The following PHEX variants were observed in gnomAD, a reference collection of about 807,000 sequenced individuals.
PHEX encodes the protein phosphate regulating endopeptidase X-linked.
PHEX carries 16 observed loss-of-function variants against 68.0 expected under a neutral mutation model. The observed-to-expected ratio is 0.24, with a 90% confidence interval of 0.16 to 0.36. PHEX has a LOEUF of 0.36. PHEX is among the 10% of genes least tolerant of loss of function. PHEX has a pLI of 1.00. For synonymous variants in PHEX, 208 were observed against 205.1 expected (o/e 1.01, Z -0.12); for missense variants, 480 against 575.5 (o/e 0.83, Z 1.70).
intron 11 of PHEX, among the ~76,000 whole-genome samples, chrX:22,116,728 C>T (rs1169806120): frequency 9.0e-6 from 1 of 110,749 alleles, no homozygotes; most frequent in East Asian, 2.8e-4. Flanking sequence ...CACAACTGTC[C>T]CAGCACGTAC....
intron 15 of PHEX, among the ~76,000 whole-genome samples, chrX:22,196,848 T>C (rs1260444317): frequency 8.9e-6 from 1 of 111,939 alleles, no homozygotes; most frequent in Non-Finnish European, 1.9e-5. Context: ...TAAGCCTTTG[T>C]CCAGAGGCTG....
intron 9 of PHEX, among the ~76,000 whole-genome samples, chrX:22,100,962 A>G (rs1391960868): frequency 9.0e-6 from 1 of 111,213 alleles, no homozygotes; most frequent in Non-Finnish European, 1.9e-5. Context: ...ACTTGAGGCC[A>G]GGAGTTCAAG....
At chrX:22,035,785 G>A (rs1926977143) in intron 1 of PHEX, among the ~76,000 whole-genome samples, 1 of 110,089 alleles carries the variant, frequency 9.1e-6, no homozygotes, top group Non-Finnish European at 1.9e-5. Flanking sequence ...CTATTTACAT[G>A]TATTTTTTAA....
At chrX:22,223,585 A>G (rs1264415508) in intron 18 of PHEX, among the ~76,000 whole-genome samples, 1 of 111,519 alleles carries the variant, frequency 9.0e-6, no homozygotes, top group Non-Finnish European at 1.9e-5. Context: ...TCTCTACAGA[A>G]AATTTTTTAA....
intron 20 of PHEX, among the ~76,000 whole-genome samples, chrX:22,234,833 CCACACA>C (rs61094602): frequency 2.0e-4 from 17 of 86,631 alleles, no homozygotes; most frequent in African/African-American, 5.9e-4. Context: ...AAAAAAAAAA[CCACACA>C]CACACACACA....
intron 12 of PHEX, among the ~76,000 whole-genome samples, chrX:22,134,954 G>A (rs1002748803): frequency 1.3e-4 from 15 of 111,990 alleles, no homozygotes; most frequent in African/African-American, 4.2e-4. Context: ...TTGCCTCAGC[G>A]TTCTGGGAAT....
chrX:22,177,250 T>C (rs1003711378), intron 13 of PHEX, among the ~76,000 whole-genome samples: 5 of 111,870 alleles, frequency 4.5e-5, no homozygotes, highest in African/African-American at 1.6e-4. Flanking sequence ...GCCTTGTGGG[T>C]TTCATATACA....
intron 3 of PHEX, among the ~76,000 whole-genome samples, chrX:22,072,003 G>A (rs186419334): frequency 0.025 from 2,834 of 112,163 alleles, 35 homozygotes; most frequent in Non-Finnish European, 0.039. Flanking sequence ...GAGGCGGGTG[G>A]ATCACCTGAA....
Position 22,249,774 on chromosome X carries a change from T to G in PHEX, c.*1821T>G, listed in dbSNP as rs1209573018. Reference sequence around the variant, plus strand: ...CTCTGGAGGAAGCATTCTGACTTGGTTTAGACATATAAGATACTCTGTTTT... The same window carrying G: ...CTCTGGAGGAAGCATTCTGACTTGGGTTAGACATATAAGATACTCTGTTTT... On this transcript the variant is annotated 3_prime_UTR_variant, in exon 22 of 22. Coordinates refer to ENST00000379374, the MANE Select transcript of PHEX (RefSeq NM_000444.6). The G allele has an allele frequency of 9.1e-6, 1 of 109,910 alleles. No homozygotes were observed. The highest frequency in any genetic ancestry group is 2.8e-4 in the East Asian group (1 of 3,528). The allele number at this position is 109,910 out of a possible 1,213,427, so 9.1% of individuals were successfully genotyped here. A position where few individuals can be genotyped will look rare whatever the true frequency, so the allele number is the denominator to read the frequency against.
At chrX:22,234,618 C>G (rs990486045) in intron 20 of PHEX, among the ~76,000 whole-genome samples, 23 of 109,811 alleles carry the variant, frequency 2.1e-4, no homozygotes, top group Admixed American at 1.6e-3. Context: ...CCCTTCCCCC[C>G]CCAAGCTCAA....
intron 12 of PHEX, among the ~76,000 whole-genome samples, chrX:22,136,815 G>T (rs1011572984): frequency 8.9e-6 from 1 of 111,872 alleles, no homozygotes; most frequent in African/African-American, 3.3e-5. Context: ...CTCTGCTCCC[G>T]TGAAGGGTAA....
chrX:22,219,520 C>A (rs1935200598), intron 17 of PHEX, among the ~76,000 whole-genome samples: 1 of 112,537 alleles, frequency 8.9e-6, no homozygotes, highest in South Asian at 3.7e-4. Context: ...TGAGTTAGGA[C>A]TCTGGAGCTT....
At chrX:22,142,724 C>G (rs1932523089) in intron 12 of PHEX, among the ~76,000 whole-genome samples, 2 of 112,378 alleles carry the variant, frequency 1.8e-5, no homozygotes, top group African/African-American at 3.2e-5. Flanking sequence ...TCTAGTTGTT[C>G]TACTTTGGAC....
chrX:22,108,044 G>A (rs1397659814), intron 9 of PHEX, among the ~76,000 whole-genome samples: 5 of 111,525 alleles, frequency 4.5e-5, no homozygotes, highest in Non-Finnish European at 5.6e-5. Context: ...ACTTCTTTAC[G>A]TTCCTCATGG....
At chrX:22,169,659 G>A (rs1933455744) in intron 13 of PHEX, 1 of 112,114 alleles carries the variant, frequency 8.9e-6, no homozygotes, top group Admixed American at 9.5e-5. Flanking sequence ...AGAGGCATCA[G>A]GGTGGAGACT....
chrX:22,237,471 T>A, intron 20 of PHEX, among the ~76,000 whole-genome samples: 1 of 111,771 alleles, frequency 8.9e-6, no homozygotes, highest in Admixed American at 9.5e-5. Context: ...CTTCTTTCCA[T>A]TCTATTTTCT....
intron 15 of PHEX, among the ~76,000 whole-genome samples, chrX:22,205,963 T>C (rs1285141004): frequency 8.9e-6 from 1 of 112,100 alleles, no homozygotes; most frequent in Non-Finnish European, 1.9e-5. Flanking sequence ...TATTCCACTT[T>C]TATTGGGGGT....
At position 22,123,711 on chromosome X, in the gene PHEX, A is replaced by G. The variant is rs1042712324; in HGVS notation, c.1302+9125A>G. Among the ~76,000 whole-genome samples, 4 of 110,891 alleles carry G rather than the reference A, an allele frequency of 3.6e-5. No homozygotes were observed. The East Asian group carries it at 1.1e-3, about 31-fold the overall frequency. ...TTTCATTGGAATAAAGATCCTTTTC[A>G]TGTTAGTGCCCTGGCCACATTCCAG... On this transcript the variant is annotated intron_variant, in intron 11 of 21. Transcript: ENST00000379374.
intron 13 of PHEX, among the ~76,000 whole-genome samples, chrX:22,174,031 T>C (rs182012786): frequency 1.5e-4 from 17 of 112,160 alleles, no homozygotes; most frequent in Non-Finnish European, 2.6e-4. Flanking sequence ...GTGGTGGTGG[T>C]GGTAATAACT....
Sources: gnomAD v4.1 joint callset for allele counts (sites outside exome capture counted in the v4.1 genomes callset) on GRCh38, gnomAD v4.1.1 for gene constraint, MANE v1.5 for transcripts, NCBI Gene and HGNC (gene_info 2026-07-23, HGNC 2026-07-21) for gene names.